Variants in USP42 observed in about 807,000 individuals in gnomAD.
USP42 encodes ubiquitin specific peptidase 42, also known as ubiquitin carboxyl-terminal hydrolase 42.
A neutral mutation model predicts 113.0 loss-of-function variants in USP42; 23 were observed. That is an observed-to-expected ratio of 0.20 (90% CI 0.15 to 0.29). USP42 has a LOEUF of 0.29. Ranked by LOEUF, USP42 falls within the 10% of genes least tolerant of loss-of-function variation. The pLI is 1.00. For synonymous variants in USP42, 933 were observed against 699.0 expected (o/e 1.33, Z -5.28); for missense variants, 2,174 against 1,779.8 (o/e 1.22, Z -3.99).
chr7:6,089,337 C>T, the USP42 span, among the ~76,000 whole-genome samples: 1 of 149,444 alleles, frequency 6.7e-6, no homozygotes. Flanking sequence ...TAAAGACATC[C>T]TCCTGGTTGA....
intron 3 of USP42, among the ~76,000 whole-genome samples, chr7:6,124,908 C>G (rs1276131753): frequency 6.6e-6 from 1 of 152,058 alleles, no homozygotes; most frequent in African/African-American, 2.4e-5. Context: ...AGGCCGGTGC[C>G]AGTGGCTCAT....
intron 2 of USP42, among the ~76,000 whole-genome samples, chr7:6,112,336 C>G (rs1779640683): frequency 1.3e-5 from 2 of 152,052 alleles, no homozygotes; most frequent in South Asian, 2.1e-4. Flanking sequence ...ATAATCCCAG[C>G]TACTTGGGAG....
At chr7:6,150,373 C>T in intron 13 of USP42, 39 bp from the exon 14 acceptor site, 1 of 1,612,010 alleles carries the variant, frequency 6.2e-7, no homozygotes, top group Non-Finnish European at 8.5e-7. Flanking sequence ...AGGCATGGAG[C>T]TGGCGACTGA....
chr7:6,099,245 C>T, the USP42 span, among the ~76,000 whole-genome samples: 9 of 117,636 alleles, frequency 7.7e-5, 1 homozygote, highest in East Asian at 2.6e-4. Flanking sequence ...GACGGAGTCT[C>T]GTTCTGTTGC....
At chr7:6,116,173 C>T (rs1282604777) in intron 3 of USP42, among the ~76,000 whole-genome samples, 3 of 151,672 alleles carry the variant, frequency 2.0e-5, no homozygotes, top group Non-Finnish European at 2.9e-5. Flanking sequence ...CCTGCCTCTC[C>T]TGGCATTTAT....
At chr7:6,121,959 C>G (rs1364350743) in intron 3 of USP42, among the ~76,000 whole-genome samples, 1 of 152,200 alleles carries the variant, frequency 6.6e-6, no homozygotes, top group African/African-American at 2.4e-5. Context: ...AGCTTTCTGT[C>G]TCCTTTTTCG....
intron 3 of USP42, among the ~76,000 whole-genome samples, chr7:6,126,801 G>C (rs1160273280): frequency 6.6e-6 from 1 of 152,130 alleles, no homozygotes. Flanking sequence ...TACTAGTTTT[G>C]GGATATGGTG....
At chr7:6,148,611 C>G (rs1032603002) in intron 12 of USP42, among the ~76,000 whole-genome samples, 2 of 152,174 alleles carry the variant, frequency 1.3e-5, no homozygotes, top group East Asian at 3.8e-4. Flanking sequence ...ATTTTACTCC[C>G]TGTTGGTCCT....
At chr7:6,113,744 C>T (rs1446292484) in intron 2 of USP42, among the ~76,000 whole-genome samples, 1 of 152,112 alleles carries the variant, frequency 6.6e-6, no homozygotes, top group Non-Finnish European at 1.5e-5. Context: ...GCCTCAGCCT[C>T]CTGAGTAGCT....
chr7:6,104,432 G>A (rs1779129259), upstream of USP42, among the ~76,000 whole-genome samples: 1 of 152,382 alleles, frequency 6.6e-6, no homozygotes, highest in East Asian at 1.9e-4. Flanking sequence ...GCTAGGCCAA[G>A]GGAGGCGCAA....
chr7:6,115,385 A>G lies in USP42; in HGVS notation c.304A>G (p.Lys102Glu). 2 of 1,614,058 alleles carry G rather than the reference A, an allele frequency of 1.2e-6. No homozygotes were observed. The highest frequency in any genetic ancestry group is 1.7e-6 in the Non-Finnish European group (2 of 1,179,890). The change falls in exon 3 of 18, where the codon AAG becomes GAG. Residue 102 changes from lysine to glutamate, a missense_variant. Coordinates refer to ENST00000306177, the MANE Select transcript of USP42 (RefSeq NM_032172.3). ...TTTCCCATCTGAGAAGATTTGTCTT[A>G]AGTGGCAACAAACTCATAGAGTTGG... The part of the protein sequence containing the change: ...VLFPSEKICL[K>E]WQQTHRVGAG...
At chr7:6,093,616 C>CT in the USP42 span, among the ~76,000 whole-genome samples, 1 of 149,554 alleles carries the variant, frequency 6.7e-6, no homozygotes, top group South Asian at 2.1e-4. Flanking sequence ...TGCTTCCCTC[C>CT]TTCCCCCACC....
At chr7:6,155,453 GC>G (rs1404314555) in intron 15 of USP42, among the ~76,000 whole-genome samples, 1 of 152,208 alleles carries the variant, frequency 6.6e-6, no homozygotes, top group Admixed American at 6.5e-5. Context: ...AAATGATAGT[GC>G]CATTTTTGGT....
At chr7:6,101,841 G>C (rs1422105981), upstream of USP42, among the ~76,000 whole-genome samples, 1 of 150,698 alleles carries the variant, frequency 6.6e-6, no homozygotes, top group Non-Finnish European at 1.5e-5. Context: ...CACTTTGGGA[G>C]GCTGAGGTGG....
Position 6,154,695 on chromosome 7 carries a change from G to A in USP42, c.3141G>A (p.Glu1047=), listed in dbSNP as rs1782318421. 6.2e-7 allele frequency: 1 copy of A among 1,603,120 alleles called. No individual in the cohort carries two copies. The highest frequency in any genetic ancestry group is 8.5e-7 in the Non-Finnish European group (1 of 1,175,850). Residue 1047 remains glutamate (E), a synonymous_variant, in exon 15 of 18, where the codon GAG becomes GAA. Coordinates refer to ENST00000306177, the MANE Select transcript of USP42 (RefSeq NM_032172.3). ...AGGGCGAGCGTGGCTGGGGCCGGGA[G>A]AAGTTCTACCCCGACAGGCCGCGCT... ...YTEGERGWGR[E]KFYPDRPRWD... is the part of the protein sequence containing the mutation.
At chr7:6,155,828 T>A (rs769350693) in intron 15 of USP42, among the ~76,000 whole-genome samples, 1 of 152,218 alleles carries the variant, frequency 6.6e-6, no homozygotes, top group Non-Finnish European at 1.5e-5. Flanking sequence ...CATAACTCAC[T>A]GCAGCCTTGA....
chr7:6,161,215 T>TTGA lies in USP42; in HGVS notation c.*699_*701dup, dbSNP rs1471281694. 6.6e-6 allele frequency: 1 copy of TTGA among 152,656 alleles called. No individual in the cohort carries two copies. The highest frequency in any genetic ancestry group is 1.5e-5 in the Non-Finnish European group (1 of 68,042). 9.5% of individuals were successfully genotyped at this position (152,656 alleles called of 1,614,324 possible). On this transcript the variant is annotated 3_prime_UTR_variant, in exon 18 of 18. Coordinates refer to ENST00000306177, the MANE Select transcript of USP42 (RefSeq NM_032172.3). ...GTATGTTTCTATTACACAACACTTT[T>TTGA]TGATACAGCGTCTCTTGTCTTCACT...
the USP42 span, among the ~76,000 whole-genome samples, chr7:6,092,069 CT>C: frequency 1.5e-5 from 1 of 66,436 alleles, no homozygotes; most frequent in African/African-American, 7.1e-5. Flanking sequence ...TCTTCTTCTT[CT>C]TCTTCCTCTT....
At chr7:6,151,971 T>C (rs1230163930) in intron 14 of USP42, among the ~76,000 whole-genome samples, 1 of 152,188 alleles carries the variant, frequency 6.6e-6, no homozygotes, top group African/African-American at 2.4e-5. Flanking sequence ...TACATGACTG[T>C]ACTTTGTAAA....
Sources: allele counts gnomAD v4.1 joint callset (sites outside exome capture counted in the v4.1 genomes callset), GRCh38; gene constraint gnomAD v4.1.1; transcripts MANE v1.5; gene names NCBI Gene and HGNC (gene_info 2026-07-23, HGNC 2026-07-21).